CAST: variants seen among roughly 807,000 people sequenced by gnomAD.
CAST encodes calpastatin, also known as MIR583 host.
In CAST, 76 loss-of-function variants were observed where a neutral mutation model predicts 119.6. That is an observed-to-expected ratio of 0.64 (90% CI 0.53 to 0.77). The LOEUF (loss-of-function observed/expected upper bound fraction) is 0.77. Ranked by LOEUF, CAST falls within the 30% of genes least tolerant of loss-of-function variation. The pLI, the probability that CAST is intolerant of heterozygous loss-of-function variation, is 0.00. For missense variants in CAST, 953 were observed against 946.5 expected (o/e 1.01, Z -0.09); for synonymous variants, 319 against 331.6 (o/e 0.96, Z 0.41).
chr5:96,429,444 T>C, the CAST span: 3 of 637,434 alleles, frequency 4.7e-6, no homozygotes, highest in African/African-American at 5.5e-5. Flanking sequence ...CTGAAATTAA[T>C]ATTTTTTTTC....
chr5:95,996,285 A>T, the CAST span, among the ~76,000 whole-genome samples: 1 of 152,140 alleles, frequency 6.6e-6, no homozygotes, highest in Non-Finnish European at 1.5e-5. Flanking sequence ...CTGGAATGTG[A>T]TACTGAATCC....
chr5:96,143,832 A>C, the CAST span, among the ~76,000 whole-genome samples: 1 of 152,134 alleles, frequency 6.6e-6, no homozygotes, highest in Non-Finnish European at 1.5e-5. Flanking sequence ...CTTTTTTTGG[A>C]TGATGTGAAA....
the CAST span, among the ~76,000 whole-genome samples, chr5:95,991,492 G>GTTTTTTTT: frequency 8.1e-6 from 1 of 123,316 alleles, no homozygotes. Context: ...TTAACAACAA[G>GTTTTTTTT]TTTTGTTTTT....
the CAST span, among the ~76,000 whole-genome samples, chr5:96,448,011 T>C: frequency 4.0e-5 from 6 of 151,050 alleles, no homozygotes; most frequent in African/African-American, 1.2e-4. Context: ...AACTCTCATA[T>C]GTTAAAAAAA....
chr5:96,433,627 C>G, the CAST span, among the ~76,000 whole-genome samples: 2 of 151,946 alleles, frequency 1.3e-5, no homozygotes, highest in Non-Finnish European at 2.9e-5. Context: ...CTATAGGATT[C>G]TTATAATGGC....
upstream of CAST, among the ~76,000 whole-genome samples, chr5:96,658,453 C>A (rs1385355230): frequency 6.6e-6 from 1 of 152,110 alleles, no homozygotes; most frequent in East Asian, 1.9e-4. Flanking sequence ...TCCTAGGGTA[C>A]TGCTCAGCTG....
At chr5:96,575,784 A>G (rs1355041392) in intron 1 of CAST, among the ~76,000 whole-genome samples, 1 of 152,008 alleles carries the variant, frequency 6.6e-6, no homozygotes, top group African/African-American at 2.4e-5. Context: ...TTGGGGCTAC[A>G]GGCACGTGCC....
At chr5:96,402,979 C>T in the CAST span, among the ~76,000 whole-genome samples, 3 of 152,106 alleles carry the variant, frequency 2.0e-5, no homozygotes, top group Non-Finnish European at 4.4e-5. Context: ...AGGTAAAAGC[C>T]TCTTATCAAG....
upstream of CAST, among the ~76,000 whole-genome samples, chr5:96,659,464 T>G (rs910183308): frequency 6.6e-6 from 1 of 152,190 alleles, no homozygotes; most frequent in African/African-American, 2.4e-5. Context: ...ACTGAGTAAA[T>G]AAAGGAATAA....
the CAST span, among the ~76,000 whole-genome samples, chr5:96,066,547 C>G: frequency 6.6e-6 from 1 of 152,048 alleles, no homozygotes; most frequent in African/African-American, 2.4e-5. Context: ...TTTCATATCT[C>G]TTACTACTTC....
At chr5:96,620,941 G>A (rs1431151094) in intron 1 of CAST, among the ~76,000 whole-genome samples, 1 of 152,148 alleles carries the variant, frequency 6.6e-6, no homozygotes, top group African/African-American at 2.4e-5. Flanking sequence ...GTCCATCTAA[G>A]TATAAACATT....
the CAST span, among the ~76,000 whole-genome samples, chr5:96,003,515 G>A: frequency 2.0e-5 from 3 of 147,722 alleles, no homozygotes; most frequent in African/African-American, 7.5e-5. Flanking sequence ...TCCAGCCTGG[G>A]CGACAGAGCG....
chr5:96,543,316 A>C (rs968752145), intron 1 of CAST, among the ~76,000 whole-genome samples: 8 of 152,150 alleles, frequency 5.3e-5, no homozygotes, highest in African/African-American at 1.9e-4. Flanking sequence ...CTCACTCATA[A>C]GTGGGAGTTG....
the CAST span, among the ~76,000 whole-genome samples, chr5:96,427,307 C>T: frequency 1.3e-5 from 2 of 152,288 alleles, no homozygotes; most frequent in East Asian, 3.9e-4. Context: ...ATGTCATTAA[C>T]TCAGAATCAT....
the CAST span, among the ~76,000 whole-genome samples, chr5:96,261,819 A>G: frequency 0.52 from 79,023 of 152,182 alleles, 21,810 homozygotes; most frequent in African/African-American, 0.7. Flanking sequence ...AGCGGCTGCC[A>G]TATTGGACAG....
the CAST span, among the ~76,000 whole-genome samples, chr5:96,089,628 A>T: frequency 6.6e-6 from 1 of 152,228 alleles, no homozygotes; most frequent in Non-Finnish European, 1.5e-5. Flanking sequence ...ATTTGTGTTT[A>T]AAAAGGGCTG....
At chr5:96,204,968 C>T in the CAST span, among the ~76,000 whole-genome samples, 1 of 152,048 alleles carries the variant, frequency 6.6e-6, no homozygotes, top group African/African-American at 2.4e-5. Flanking sequence ...TTTTACATTT[C>T]CTTTCCAGTA....
At chr5:96,424,143 G>A in the CAST span, among the ~76,000 whole-genome samples, 1 of 152,194 alleles carries the variant, frequency 6.6e-6, no homozygotes, top group African/African-American at 2.4e-5. Flanking sequence ...AAGCATGTGA[G>A]ACAGAGACAG....
intron 1 of CAST, among the ~76,000 whole-genome samples, chr5:96,652,063 A>G (rs1235424239): frequency 2.0e-5 from 3 of 152,220 alleles, no homozygotes; most frequent in Admixed American, 2.0e-4. Context: ...ACTTACTGCT[A>G]AGGACCACAA....
Sources: allele counts gnomAD v4.1 joint callset (sites outside exome capture counted in the v4.1 genomes callset), GRCh38; gene constraint gnomAD v4.1.1; transcripts MANE v1.5; gene names NCBI Gene and HGNC (gene_info 2026-07-23, HGNC 2026-07-21).